PTPRU: variants seen among roughly 807,000 people sequenced by gnomAD.
The protein encoded by PTPRU is protein tyrosine phosphatase receptor type U, also known as receptor-type tyrosine-protein phosphatase U.
A neutral mutation model predicts 166.3 loss-of-function variants in PTPRU; 69 were observed. That is an observed-to-expected ratio of 0.41 (90% CI 0.34 to 0.51). The LOEUF (loss-of-function observed/expected upper bound fraction) is 0.51, where lower values mean the gene tolerates loss of function less well. Among genes scored for constraint, PTPRU ranks in the 20% least tolerant of loss-of-function variants. The pLI is 0.09. For synonymous variants in PTPRU, 793 were observed against 814.0 expected (o/e 0.97, Z 0.44); for missense variants, 1,657 against 2,013.7 (o/e 0.82, Z 3.39).
chr1:29,257,938 T>C lies in PTPRU; in HGVS notation c.206-567T>C, dbSNP rs1461654332. 6.6e-6 allele frequency among the ~76,000 whole-genome samples: 1 copy of C among 150,854 alleles called. No individual in the cohort carries two copies. The highest frequency in any genetic ancestry group is 6.7e-5 in the Admixed American group (1 of 15,020). On this transcript the variant is annotated intron_variant, in intron 2 of 29. Coordinates refer to ENST00000373779, the MANE Select transcript of PTPRU (RefSeq NM_133178.4). This position sits in a 1 kb window ranked among gnomAD's most constrained non-coding sequence, Gnocchi z 4.6. ...CTGTGGTTAGGCTGGGCATGGGCATTGTGACCTGTAGATTGTAAGGAGCCA... is the reference window on the plus strand; with the variant it reads ...CTGTGGTTAGGCTGGGCATGGGCATCGTGACCTGTAGATTGTAAGGAGCCA...
intron 7 of PTPRU, among the ~76,000 whole-genome samples, chr1:29,274,304 G>T (rs2151950634): frequency 6.6e-6 from 1 of 152,336 alleles, no homozygotes; most frequent in East Asian, 1.9e-4. Context: ...CTCCCAAAGT[G>T]CTGGGATTAT....
rs1688003299 is a variant in PTPRU, at chr1:29,318,558, C to T, written c.3687+637C>T. Among the ~76,000 whole-genome samples the T allele has an allele frequency of 2.0e-5, 3 of 152,214 alleles. No homozygotes were observed. The South Asian group carries it at 6.2e-4, about 32-fold the overall frequency. Reference sequence around the variant, plus strand: ...GATTATTATCCCTATTCCTCTGCCACACTGGAACCAGTTCAGATATAGACA... The same window carrying T: ...GATTATTATCCCTATTCCTCTGCCATACTGGAACCAGTTCAGATATAGACA... On this transcript the variant is annotated intron_variant, in intron 25 of 29. Coordinates refer to ENST00000373779, the MANE Select transcript of PTPRU (RefSeq NM_133178.4).
intron 8 of PTPRU, among the ~76,000 whole-genome samples, chr1:29,276,136 C>T (rs1685793958): frequency 1.3e-5 from 2 of 152,070 alleles, no homozygotes; most frequent in East Asian, 3.8e-4. Context: ...TGTCAAATTT[C>T]TTGAGATAAT....
intron 25 of PTPRU, among the ~76,000 whole-genome samples, chr1:29,318,902 C>T (rs569694284): frequency 9.8e-5 from 15 of 152,334 alleles, no homozygotes; most frequent in Admixed American, 2.6e-4. Flanking sequence ...TGAGGGATGC[C>T]GATGGGGAAG....
chr1:29,243,297 C>T (rs1574595134), intron 1 of PTPRU, among the ~76,000 whole-genome samples: 2 of 152,296 alleles, frequency 1.3e-5, no homozygotes, highest in South Asian at 2.1e-4. Context: ...CTGAAGGCTC[C>T]CCAGAACTCA....
chr1:29,323,368 C>T lies in PTPRU; in HGVS notation c.3829-3C>T, dbSNP rs760381766. 2 of 1,605,264 alleles carry T rather than the reference C, an allele frequency of 1.2e-6. No individual in the cohort carries two copies. The highest frequency in any genetic ancestry group is 1.7e-6 in the Non-Finnish European group (2 of 1,176,094). On this transcript the variant is annotated splice_region_variant and splice_polypyrimidine_tract_variant and intron_variant, in intron 26 of 29. Coordinates refer to ENST00000373779, the MANE Select transcript of PTPRU (RefSeq NM_133178.4). ...GCTCTCCCCTCTCCGTGCTTATGCCCAGCCCTGCCTGCAGTACTGGCCAGA... is the reference window on the plus strand; with the variant it reads ...GCTCTCCCCTCTCCGTGCTTATGCCTAGCCCTGCCTGCAGTACTGGCCAGA...
Position 29,255,345 on chromosome 1 carries a change from C to T in PTPRU, c.144C>T (p.Asp48=), listed in dbSNP as rs1358151903. The T allele has an allele frequency of 6.2e-7, 1 of 1,614,074 alleles. No homozygotes were observed. Among genetic ancestry groups the T allele is most frequent in the Non-Finnish European group, 8.5e-7 (1 of 1,180,030 alleles). Residue 48 remains aspartate, a synonymous_variant, in exon 2 of 30, where the codon GAC becomes GAT. Transcript: ENST00000373779. ...PCEYSQAQYD[D]FQWEQVRIHP... ...AGTACAGCCAGGCCCAGTACGATGA[C>T]TTCCAGTGGGAGCAAGTGCGAATCC...
At chr1:29,318,187 G>A (rs1351692594) in intron 25 of PTPRU, among the ~76,000 whole-genome samples, 2 of 152,188 alleles carry the variant, frequency 1.3e-5, no homozygotes, top group African/African-American at 4.8e-5. Context: ...AGAGCCTGGG[G>A]TAGGATGAGT....
chr1:29,308,287 T>A (rs1462127098), intron 18 of PTPRU, among the ~76,000 whole-genome samples: 1 of 149,690 alleles, frequency 6.7e-6, no homozygotes, highest in Non-Finnish European at 1.5e-5. Flanking sequence ...TTTTTTCCTT[T>A]TTTTTTTTTT....
intron 14 of PTPRU, among the ~76,000 whole-genome samples, chr1:29,288,535 A>G (rs1255365460): frequency 1.3e-5 from 2 of 152,158 alleles, no homozygotes; most frequent in Non-Finnish European, 2.9e-5. Flanking sequence ...CCTCTGCAAC[A>G]GCCCCAGCGC....
intron 1 of PTPRU, among the ~76,000 whole-genome samples, chr1:29,246,730 C>G (rs1404753145): frequency 6.6e-6 from 1 of 152,100 alleles, no homozygotes; most frequent in Non-Finnish European, 1.5e-5. Flanking sequence ...ATTCTCCTGC[C>G]TCCGCCTCCT....
At position 29,291,801 on chromosome 1, in the gene PTPRU, CCCAGCCACCTCTGGGTGCTGT is replaced by C. The variant is rs1457885216; in HGVS notation, c.2319-61_2319-41del. On this transcript the variant is annotated intron_variant, in intron 14 of 29. Coordinates refer to ENST00000373779, the MANE Select transcript of PTPRU (RefSeq NM_133178.4). The surrounding 1 kb of genome is among the most constrained non-coding windows in gnomAD (Gnocchi z 4.1). The stretch of plus-strand genomic sequence containing the variant: ...TGAGGTCCCCTTACTCCAGGGCCTC[CCCAGCCACCTCTGGGTGCTGT>C]CCAGCCCCACACAATGCCTGTGTCT... 1.1e-5 allele frequency: 17 copies of C among 1,555,276 alleles called. No individual in the cohort carries two copies. In the African/African-American group the frequency reaches 2.3e-4, roughly 21 times the overall value.
At chr1:29,256,007 GA>G (rs1684758205) in intron 2 of PTPRU, among the ~76,000 whole-genome samples, 4 of 152,166 alleles carry the variant, frequency 2.6e-5, no homozygotes, top group African/African-American at 9.7e-5. Flanking sequence ...ATGGCCCCTA[GA>G]ACACTCATTC....
At chr1:29,297,975 G>A (rs1348839151) in intron 15 of PTPRU, among the ~76,000 whole-genome samples, 2 of 151,964 alleles carry the variant, frequency 1.3e-5, no homozygotes, top group Non-Finnish European at 2.9e-5. Flanking sequence ...AACTCAAAAG[G>A]TGCTAGGCGC....
chr1:29,304,696 A>C, intron 16 of PTPRU, 78 bp from the exon 17 acceptor site: 6 of 1,152,214 alleles, frequency 5.2e-6, no homozygotes, highest in Non-Finnish European at 7.5e-6. Flanking sequence ...CATCCTGCCT[A>C]CATCATCCCC....
In PTPRU at chr1:29,301,430, A is replaced by G. The variant is rs190255712; in HGVS notation, c.2477-2425A>G. On this transcript the variant is annotated intron_variant, in intron 15 of 29. Transcript: ENST00000373779. ...TCTAGCACATACAATTATGTGCAGT[A>G]CATAATAGTTAATGATGACTGTGTT... Among the ~76,000 whole-genome samples the G allele has an allele frequency of 1.6e-3, 238 of 152,354 alleles. 1 individual carries two copies. The highest frequency in any genetic ancestry group is 4.1e-3 in the South Asian group (20 of 4,828).
At chr1:29,244,962 G>A (rs1046496534) in intron 1 of PTPRU, among the ~76,000 whole-genome samples, 3 of 152,014 alleles carry the variant, frequency 2.0e-5, no homozygotes, top group Non-Finnish European at 4.4e-5. Context: ...TGGTGGGGAC[G>A]GGGGTGGTGG....
chr1:29,246,708 T>G (rs1476414570), intron 1 of PTPRU, among the ~76,000 whole-genome samples: 1 of 151,990 alleles, frequency 6.6e-6, no homozygotes, highest in Non-Finnish European at 1.5e-5. Context: ...CTCCGCCCCC[T>G]GGGTTCAAGT....
chr1:29,319,370 G>C (rs140281873), intron 25 of PTPRU, among the ~76,000 whole-genome samples: 2 of 152,186 alleles, frequency 1.3e-5, no homozygotes, highest in East Asian at 3.9e-4. Flanking sequence ...GGGTTATCAC[G>C]TGGAAAAGTT....
Sources: gnomAD v4.1 joint callset for allele counts (sites outside exome capture counted in the v4.1 genomes callset) on GRCh38, gnomAD v4.1.1 for gene constraint, Gnocchi (gnomAD v3.1) non-coding constraint, MANE v1.5 for transcripts, NCBI Gene and HGNC (gene_info 2026-07-23, HGNC 2026-07-21) for gene names.